Variants in SMYD3 observed in about 807,000 individuals in gnomAD.
SMYD3 encodes the protein histone-lysine N-methyltransferase SMYD3.
A neutral mutation model predicts 57.7 loss-of-function variants in SMYD3; 36 were observed. That is an observed-to-expected ratio of 0.62 (90% CI 0.48 to 0.82). The LOEUF (loss-of-function observed/expected upper bound fraction) is 0.82. SMYD3 is among the 40% of genes least tolerant of loss of function. The pLI, the probability that SMYD3 is intolerant of heterozygous loss-of-function variation, is 0.00. For missense variants in SMYD3, 515 were observed against 538.8 expected, an observed-to-expected ratio of 0.96 and a Z score of 0.44; for synonymous variants, 211 against 195.0, an observed-to-expected ratio of 1.08 and a Z score of -0.68.
chr1:245,934,772 A>T (rs1307207838), intron 5 of SMYD3, among the ~76,000 whole-genome samples: 1 of 152,172 alleles, frequency 6.6e-6, no homozygotes, highest in Non-Finnish European at 1.5e-5. Flanking sequence ...TTAAAAAAAA[A>T]ATCCATAATA....
At chr1:246,434,094 C>T (rs886635027) in intron 1 of SMYD3, among the ~76,000 whole-genome samples, 3 of 152,162 alleles carry the variant, frequency 2.0e-5, no homozygotes, top group African/African-American at 7.2e-5. Context: ...GGACCTCTAC[C>T]TTTCATCATG....
intron 5 of SMYD3, among the ~76,000 whole-genome samples, chr1:246,072,461 C>T (rs990392416): frequency 1.3e-5 from 2 of 152,188 alleles, no homozygotes; most frequent in East Asian, 1.9e-4. Flanking sequence ...GTGGATGAAT[C>T]GTGTTAGTTC....
intron 5 of SMYD3, among the ~76,000 whole-genome samples, chr1:246,167,996 A>G (rs1478203029): frequency 6.6e-6 from 1 of 152,148 alleles, no homozygotes; most frequent in African/African-American, 2.4e-5. Flanking sequence ...TTCTCTATGC[A>G]TACTCCTTTA....
At chr1:246,340,515 T>C (rs2065616988) in intron 2 of SMYD3, among the ~76,000 whole-genome samples, 1 of 151,952 alleles carries the variant, frequency 6.6e-6, no homozygotes, top group African/African-American at 2.4e-5. Flanking sequence ...TAACAGAAAC[T>C]AGATAACATA....
chr1:246,344,570 C>T (rs2065681297), intron 2 of SMYD3, among the ~76,000 whole-genome samples: 1 of 152,186 alleles, frequency 6.6e-6, no homozygotes, highest in South Asian at 2.1e-4. Context: ...TGTAAGTTTT[C>T]ATAACTCTTA....
chr1:246,133,823 T>C (rs1469875338), intron 5 of SMYD3, among the ~76,000 whole-genome samples: 1 of 152,174 alleles, frequency 6.6e-6, no homozygotes, highest in Non-Finnish European at 1.5e-5. Flanking sequence ...CACTATTTTA[T>C]AATAGCCACA....
At chr1:246,261,170 G>A (rs553065453) in intron 5 of SMYD3, among the ~76,000 whole-genome samples, 109 of 151,822 alleles carry the variant, frequency 7.2e-4, no homozygotes, top group African/African-American at 2.2e-3. Context: ...ACCATTCTCC[G>A]GCCTCAGCCT....
At chr1:246,366,734 G>A (rs1031269508) in intron 1 of SMYD3, among the ~76,000 whole-genome samples, 6 of 151,914 alleles carry the variant, frequency 3.9e-5, no homozygotes, top group Non-Finnish European at 7.4e-5. Flanking sequence ...AGGAGTTTGA[G>A]ACCAGCCTGA....
chr1:246,382,384 C>T (rs545077896), intron 1 of SMYD3, among the ~76,000 whole-genome samples: 1 of 152,254 alleles, frequency 6.6e-6, no homozygotes, highest in African/African-American at 2.4e-5. Context: ...CACCCATGGA[C>T]CCACGCTCCA....
At chr1:246,304,525 GA>G (rs915904169) in intron 5 of SMYD3, among the ~76,000 whole-genome samples, 2 of 151,648 alleles carry the variant, frequency 1.3e-5, no homozygotes, top group African/African-American at 4.8e-5. Flanking sequence ...ACATAAGCAG[GA>G]AAAAAAATAG....
chr1:246,270,539 T>C (rs1004664089), intron 5 of SMYD3, among the ~76,000 whole-genome samples: 1 of 152,206 alleles, frequency 6.6e-6, no homozygotes, highest in African/African-American at 2.4e-5. Flanking sequence ...TTTTGACTCC[T>C]CTAAGTATCT....
At position 245,749,602 on chromosome 1, in the gene SMYD3, T is replaced by C. The variant is rs1212926232; in HGVS notation, c.1248A>G (p.Leu416=). ...TGTTGGCGTCGCATTCTTCTAAAAG[T>C]AGAATCAAATCTTCAATCAGGCTGT... ...REHSLIEDLI[L]LLEECDANIR... Residue 416 remains leucine (L), a synonymous_variant, in exon 12 of 12, where the codon CTA becomes CTG. Coordinates refer to ENST00000490107, the MANE Select transcript of SMYD3 (RefSeq NM_001167740.2). 6.2e-6 allele frequency: 10 copies of C among 1,614,014 alleles called. No individual in the cohort carries two copies. The highest frequency in any genetic ancestry group is 1.3e-5 in the African/African-American group (1 of 74,914).
At chr1:246,115,904 C>G (rs1180583220) in intron 5 of SMYD3, among the ~76,000 whole-genome samples, 1 of 152,150 alleles carries the variant, frequency 6.6e-6, no homozygotes, top group East Asian at 1.9e-4. Flanking sequence ...TTCCGGAGGC[C>G]AAGGCGGGCA....
intron 5 of SMYD3, among the ~76,000 whole-genome samples, chr1:245,954,248 T>C (rs1394733506): frequency 6.6e-6 from 1 of 152,206 alleles, no homozygotes; most frequent in Non-Finnish European, 1.5e-5. Context: ...TTAAAGATGC[T>C]AGTTAAAATG....
chr1:246,360,088 C>T (rs1339366534), intron 1 of SMYD3, among the ~76,000 whole-genome samples: 7 of 152,036 alleles, frequency 4.6e-5, no homozygotes, highest in Admixed American at 2.6e-4. Context: ...AAAAGCTCCT[C>T]GAACTAGTAC....
At chr1:246,228,216 T>C (rs4654094) in intron 5 of SMYD3, among the ~76,000 whole-genome samples, 31,470 of 151,984 alleles carry the variant, frequency 0.21, 3,943 homozygotes, top group East Asian at 0.58. Flanking sequence ...GTGATCCACC[T>C]GCCTCAGCCT....
intron 7 of SMYD3, among the ~76,000 whole-genome samples, chr1:245,917,640 A>G (rs1417945247): frequency 6.6e-6 from 1 of 152,316 alleles, no homozygotes; most frequent in East Asian, 1.9e-4. Flanking sequence ...TTTCTCGTTC[A>G]GGTCTAACCT....
chr1:245,896,243 A>T (rs2053772752), intron 8 of SMYD3, among the ~76,000 whole-genome samples: 1 of 152,112 alleles, frequency 6.6e-6, no homozygotes, highest in Non-Finnish European at 1.5e-5. Context: ...AAAGACTTAG[A>T]TTTTTACCTA....
intron 1 of SMYD3, among the ~76,000 whole-genome samples, chr1:246,412,141 T>C (rs945457189): frequency 6.6e-6 from 1 of 152,154 alleles, no homozygotes; most frequent in Non-Finnish European, 1.5e-5. Context: ...TACCAAATCA[T>C]CTCAAACCTC....
Sources: allele counts gnomAD v4.1 joint callset (sites outside exome capture counted in the v4.1 genomes callset), GRCh38; gene constraint gnomAD v4.1.1; transcripts MANE v1.5; gene names NCBI Gene and HGNC (gene_info 2026-07-23, HGNC 2026-07-21).